The following ZNF407 variants were observed in gnomAD, a reference collection of about 807,000 sequenced individuals.
The protein encoded by ZNF407 is zinc finger protein 407.
ZNF407 carries 17 observed loss-of-function variants against 131.2 expected under a neutral mutation model. The observed-to-expected ratio is 0.13, with a 90% confidence interval of 0.09 to 0.19. The LOEUF (loss-of-function observed/expected upper bound fraction) is 0.19. ZNF407 is among the 10% of genes least tolerant of loss of function. ZNF407 has a pLI of 1.00. For synonymous variants in ZNF407, 1,156 were observed against 1,062.0 expected, an observed-to-expected ratio of 1.09 and a Z score of -1.72; for missense variants, 2,681 against 2,830.6, an observed-to-expected ratio of 0.95 and a Z score of 1.20.
intron 4 of ZNF407, among the ~76,000 whole-genome samples, chr18:74,795,374 A>G (rs1969900577): frequency 1.3e-5 from 2 of 152,246 alleles, no homozygotes; most frequent in African/African-American, 4.8e-5. Flanking sequence ...AGTAAAGTTC[A>G]TTTTAACTCT....
intron 8 of ZNF407, among the ~76,000 whole-genome samples, chr18:75,010,523 G>T (rs994104394): frequency 6.6e-6 from 1 of 152,152 alleles, no homozygotes; most frequent in African/African-American, 2.4e-5. Context: ...TGCCAGGCAC[G>T]TTATTTTTTG....
chr18:74,991,723 C>G (rs1280855537), intron 8 of ZNF407, among the ~76,000 whole-genome samples: 1 of 152,138 alleles, frequency 6.6e-6, no homozygotes, highest in Non-Finnish European at 1.5e-5. Context: ...CCCACTGATT[C>G]TTCACTTGTG....
In ZNF407 at chr18:75,063,942, T is replaced by C; in HGVS notation, c.6221T>C (p.Val2074Ala). The C allele has an allele frequency of 6.2e-7, 1 of 1,613,544 alleles. No individual in the cohort carries two copies. Among genetic ancestry groups the C allele is most frequent in the South Asian group, 1.1e-5 (1 of 91,036 alleles). ...ATGGCCTCTCAGGAGCGGGCACAGG[T>C]GGCCTTCAAGAAGATGGTCCAGGGC... is the stretch of plus-strand genomic sequence containing the variant. ...AAMASQERAQVAFKKMVQGVL... is the reference protein window; with the variant it reads ...AAMASQERAQAAFKKMVQGVL... Residue 2074 changes from valine to alanine, a missense_variant, in exon 9 of 9, where the codon GTG becomes GCG. Around this residue, in one of 6 missense-constraint regions of ZNF407, gnomAD observed 620 missense variants for 583.1 expected, o/e 1.06. Transcript: ENST00000299687. The surrounding 1 kb of genome is among the most constrained non-coding windows in gnomAD (Gnocchi z 6.6).
At chr18:74,803,827 T>TA in intron 4 of ZNF407, 1 of 867,476 alleles carries the variant, frequency 1.2e-6, no homozygotes, top group East Asian at 2.7e-5. Flanking sequence ...ATGTGGTTTT[T>TA]ATCAATATTA....
intron 8 of ZNF407, among the ~76,000 whole-genome samples, chr18:74,970,424 A>G (rs536531414): frequency 6.6e-6 from 1 of 152,348 alleles, no homozygotes; most frequent in East Asian, 1.9e-4. Flanking sequence ...TAAAATCAAA[A>G]GCAAGCTAAT....
chr18:74,991,376 G>C lies in ZNF407; in HGVS notation c.5428+70684G>C, dbSNP rs571622989. ...ACCTTCTGTATATCTTTGATTTCTA[G>C]AACTATATATTTTAAATGTTGTGGC... On this transcript the variant is annotated intron_variant, in intron 8 of 8. Coordinates refer to ENST00000299687, the MANE Select transcript of ZNF407 (RefSeq NM_017757.3). Among the ~76,000 whole-genome samples, 122 of 152,230 alleles carry C rather than the reference G, an allele frequency of 8.0e-4. 1 individual carries two copies. The highest frequency in any genetic ancestry group is 2.7e-3 in the African/African-American group (111 of 41,540).
At chr18:74,886,427 A>G (rs907952735) in intron 6 of ZNF407, among the ~76,000 whole-genome samples, 2 of 152,258 alleles carry the variant, frequency 1.3e-5, no homozygotes, top group African/African-American at 2.4e-5. Context: ...AGGGATGTTC[A>G]TATAATGACT....
rs201342289 is a variant in ZNF407 at position 74,623,630 on chromosome 18, C to T, written c.-53-7337C>T. Among the ~76,000 whole-genome samples, 15 of 152,318 alleles carry T rather than the reference C, an allele frequency of 9.8e-5. No individual in the cohort carries two copies. The East Asian group carries it at 2.1e-3, about 22-fold the overall frequency. ...GCAGAAAGAAACGTCCTGTGAGAAG[C>T]GGCCAGCAGGTGTCATCAGAAGGCT... On this transcript the variant is annotated intron_variant, in intron 1 of 8. Transcript: ENST00000299687.
At chr18:74,784,541 G>A (rs193070084) in intron 4 of ZNF407, among the ~76,000 whole-genome samples, 1 of 152,202 alleles carries the variant, frequency 6.6e-6, no homozygotes, top group Admixed American at 6.5e-5. Context: ...GTGATGGCTT[G>A]TGTAAGATTA....
At chr18:75,038,385 T>G (rs1037664102) in intron 8 of ZNF407, among the ~76,000 whole-genome samples, 132 of 152,184 alleles carry the variant, frequency 8.7e-4, no homozygotes, top group African/African-American at 3.2e-3. Flanking sequence ...AGCAGGTAAT[T>G]GGATTGACTG....
intron 3 of ZNF407, among the ~76,000 whole-genome samples, chr18:74,668,258 A>G (rs901463884): frequency 6.6e-6 from 1 of 152,208 alleles, no homozygotes; most frequent in Non-Finnish European, 1.5e-5. Context: ...GGCTATGTGT[A>G]TAGGTATTTG....
At position 74,615,907 on chromosome 18, in the gene ZNF407, G is replaced by A. The variant is rs141523262; in HGVS notation, c.-53-15060G>A. Reference sequence around the variant, plus strand: ...AGATGGAGTTTCATTCTTTTTGTCCGGGCTGGAGTGCAATGGCATGATCTC... The same window carrying A: ...AGATGGAGTTTCATTCTTTTTGTCCAGGCTGGAGTGCAATGGCATGATCTC... On this transcript the variant is annotated intron_variant, in intron 1 of 8. Coordinates refer to ENST00000299687, the MANE Select transcript of ZNF407 (RefSeq NM_017757.3). Among the ~76,000 whole-genome samples, 405 of 151,750 alleles carry A rather than the reference G, an allele frequency of 2.7e-3. 2 individuals are homozygous for A. The highest frequency in any genetic ancestry group is 8.1e-3 in the Admixed American group (123 of 15,248).
At chr18:74,662,010 C>T (rs996076228) in intron 3 of ZNF407, among the ~76,000 whole-genome samples, 4 of 151,042 alleles carry the variant, frequency 2.6e-5, no homozygotes, top group Non-Finnish European at 5.9e-5. Flanking sequence ...GCCTGCCATG[C>T]GGTGTCTGTG....
At chr18:74,804,642 C>T (rs576453378) in intron 4 of ZNF407, 13 of 974,196 alleles carry the variant, frequency 1.3e-5, no homozygotes, top group African/African-American at 5.2e-5. Flanking sequence ...GTCTCTAAAA[C>T]GTCTGATTAT....
chr18:74,944,867 A>T (rs1166575577), intron 8 of ZNF407, among the ~76,000 whole-genome samples: 1 of 152,260 alleles, frequency 6.6e-6, no homozygotes, highest in African/African-American at 2.4e-5. Context: ...GCAAACAAAA[A>T]ACCTCAGGGC....
At chr18:75,020,278 GTA>G (rs1363611682) in intron 8 of ZNF407, among the ~76,000 whole-genome samples, 1 of 150,038 alleles carries the variant, frequency 6.7e-6, no homozygotes, top group East Asian at 2.0e-4. Flanking sequence ...ATATGTGTGT[GTA>G]TATGTGTGTG....
chr18:74,701,670 G>C (rs996846440), intron 3 of ZNF407, among the ~76,000 whole-genome samples: 2 of 152,114 alleles, frequency 1.3e-5, no homozygotes, highest in African/African-American at 2.4e-5. Context: ...TCTTCCACAT[G>C]ATGGTTTTTG....
chr18:74,806,441 G>A (rs1247826374), intron 4 of ZNF407, among the ~76,000 whole-genome samples: 2 of 152,214 alleles, frequency 1.3e-5, no homozygotes, highest in Non-Finnish European at 2.9e-5. Context: ...AGAGCCAGGG[G>A]TGGAGGACCT....
intron 7 of ZNF407, among the ~76,000 whole-genome samples, chr18:74,916,743 G>C (rs1971775585): frequency 7.3e-6 from 1 of 137,016 alleles, no homozygotes; most frequent in Non-Finnish European, 1.5e-5. Flanking sequence ...GTGTGTGCTG[G>C]TATGGTGAGA....
Sources: gnomAD v4.1 joint callset for allele counts (sites outside exome capture counted in the v4.1 genomes callset) on GRCh38, gnomAD v4.1.1 for gene constraint, gnomAD v4.1.1 regional missense constraint, Gnocchi (gnomAD v3.1) non-coding constraint, MANE v1.5 for transcripts, NCBI Gene and HGNC (gene_info 2026-07-23, HGNC 2026-07-21) for gene names.